TVP23B: variants seen among roughly 807,000 people sequenced by gnomAD.
The protein encoded by TVP23B is trans-golgi network vesicle protein 23 homolog B.
In TVP23B, 10 loss-of-function variants were observed where a neutral mutation model predicts 30.6. The ratio of observed to expected loss-of-function variants is 0.33; its 90% CI spans 0.20 to 0.55. The LOEUF (loss-of-function observed/expected upper bound fraction) is 0.55, where lower values mean the gene tolerates loss of function less well. Among genes scored for constraint, TVP23B ranks in the 20% least tolerant of loss-of-function variants. TVP23B has a pLI of 0.91. For synonymous variants in TVP23B, 67 were observed against 83.1 expected, an observed-to-expected ratio of 0.81 and a Z score of 1.06; for missense variants, 153 against 243.2, an observed-to-expected ratio of 0.63 and a Z score of 2.47.
chr17:18,782,023 A>C (rs2035815356), intron 1 of TVP23B: 1 of 151,270 alleles, frequency 6.6e-6, no homozygotes, highest in Non-Finnish European at 1.5e-5. Context: ...AGACACGATA[A>C]ATTGTATAAC....
At chr17:18,803,548 A>G (rs1340536449) in intron 5 of TVP23B, among the ~76,000 whole-genome samples, 1 of 152,216 alleles carries the variant, frequency 6.6e-6, no homozygotes, top group African/African-American at 2.4e-5. Context: ...AGGTGAGAAA[A>G]TGAAACTCAA....
intron 2 of TVP23B, among the ~76,000 whole-genome samples, chr17:18,790,507 G>C (rs1016987272): frequency 1.9e-4 from 28 of 151,292 alleles, no homozygotes; most frequent in Non-Finnish European, 1.2e-4. Context: ...CAAACTACCT[G>C]ATAACTTTGT....
At chr17:18,791,088 A>G (rs780532883) in intron 3 of TVP23B, 48 bp downstream of exon 3, 2 of 1,490,354 alleles carry the variant, frequency 1.3e-6, no homozygotes, top group Non-Finnish European at 1.8e-6. Flanking sequence ...TATGAAAATG[A>G]TGTATAAAAA....
intron 3 of TVP23B, chr17:18,797,195 A>G (rs1800321630): frequency 4.3e-6 from 1 of 232,540 alleles, no homozygotes; most frequent in Non-Finnish European, 8.6e-6. Flanking sequence ...CAGTGTCTAT[A>G]ATCATTTTCA....
At chr17:18,786,066 C>T (rs2035900944) in intron 1 of TVP23B, among the ~76,000 whole-genome samples, 1 of 152,186 alleles carries the variant, frequency 6.6e-6, no homozygotes, top group Non-Finnish European at 1.5e-5. Context: ...ATGCCATGAG[C>T]ACAGCCTCTT....
At chr17:18,795,720 T>TGA (rs2036067018) in intron 3 of TVP23B, 1 of 152,252 alleles carries the variant, frequency 6.6e-6, no homozygotes, top group South Asian at 2.1e-4. Flanking sequence ...CCCCATTATC[T>TGA]GAGGTTTCAC....
At chr17:18,784,538 G>A (rs1384777864) in intron 1 of TVP23B, among the ~76,000 whole-genome samples, 1 of 152,194 alleles carries the variant, frequency 6.6e-6, no homozygotes, top group African/African-American at 2.4e-5. Context: ...TCAGCTACTC[G>A]GGAGGCTGAG....
chr17:18,790,595 C>T (rs2035977321), intron 2 of TVP23B, among the ~76,000 whole-genome samples: 1 of 151,800 alleles, frequency 6.6e-6, no homozygotes, highest in Non-Finnish European at 1.5e-5. Context: ...TTCTAAGATA[C>T]AGTTTCCTTA....
intron 5 of TVP23B, among the ~76,000 whole-genome samples, chr17:18,801,448 T>C (rs576271956): frequency 6.6e-6 from 1 of 152,294 alleles, no homozygotes; most frequent in African/African-American, 2.4e-5. Flanking sequence ...TTGACCACCT[T>C]CTCCTGATGT....
chr17:18,790,010 G>A (rs1378570857), intron 2 of TVP23B, among the ~76,000 whole-genome samples: 1 of 152,230 alleles, frequency 6.6e-6, no homozygotes, highest in Non-Finnish European at 1.5e-5. Context: ...AATGGGGAAT[G>A]ACTGCCAGTG....
intron 2 of TVP23B, among the ~76,000 whole-genome samples, chr17:18,790,481 A>AAAAAAAAAG (rs1567633194): frequency 7.0e-5 from 2 of 28,468 alleles, no homozygotes; most frequent in African/African-American, 1.1e-4. Flanking sequence ...AAAAAAAAAG[A>AAAAAAAAAG]AAAGAAAGAA....
Position 18,806,309 on chromosome 17 carries a change from C to G in TVP23B, c.*742C>G, listed in dbSNP as rs2036249980. On this transcript the variant is annotated 3_prime_UTR_variant, in exon 7 of 7. Transcript: ENST00000307767. ...TTCAGTGGACCTTGAGCTAATAGAT[C>G]TTTTACCACTAAAAGAGCATTATTC... 1.0e-6 allele frequency: 1 copy of G among 952,740 alleles called. No individual in the cohort carries two copies. The highest frequency in any genetic ancestry group is 6.2e-5 in the Admixed American group (1 of 16,204). 59.0% of individuals were successfully genotyped at this position (952,740 alleles called of 1,614,324 possible).
chr17:18,790,463 C>CAAAAAA (rs1465361992), intron 2 of TVP23B, among the ~76,000 whole-genome samples: 3 of 24,546 alleles, frequency 1.2e-4, no homozygotes, highest in African/African-American at 3.3e-4. Flanking sequence ...GACTCCGTCT[C>CAAAAAA]AAAAAAAAAA....
At chr17:18,785,404 A>T (rs1250506471) in intron 1 of TVP23B, among the ~76,000 whole-genome samples, 32 of 46,096 alleles carry the variant, frequency 6.9e-4, no homozygotes, top group African/African-American at 1.9e-3. Context: ...TTTTTTTTTT[A>T]AATCTGTACC....
chr17:18,804,915 A>G (rs1439115731), intron 6 of TVP23B, among the ~76,000 whole-genome samples: 1 of 151,798 alleles, frequency 6.6e-6, no homozygotes, highest in East Asian at 1.9e-4. Context: ...TAGGGAGAAC[A>G]GTTGAATCAC....
At chr17:18,792,315 C>T (rs1229081473) in intron 3 of TVP23B, among the ~76,000 whole-genome samples, 3 of 152,118 alleles carry the variant, frequency 2.0e-5, no homozygotes, top group Non-Finnish European at 4.4e-5. Flanking sequence ...GGATTACAGG[C>T]GTGAGCCACT....
intron 1 of TVP23B, 116 bp downstream of exon 1, chr17:18,781,421 G>A (rs1267087389): frequency 2.1e-5 from 32 of 1,510,920 alleles, no homozygotes; most frequent in South Asian, 2.0e-4. Flanking sequence ...GGAGGAGCGG[G>A]GCGGCCGGGA....
chr17:18,798,716 A>G (rs1038846580), intron 4 of TVP23B, 96 bp from the exon 5 acceptor site: 2 of 1,501,436 alleles, frequency 1.3e-6, no homozygotes, highest in Admixed American at 2.1e-5. Flanking sequence ...GTGTATTAAT[A>G]TTTGAACTTG....
At chr17:18,781,359 A>C (rs939886564) in intron 1 of TVP23B, 54 bp downstream of exon 1, 2 of 1,557,054 alleles carry the variant, frequency 1.3e-6, no homozygotes, top group Non-Finnish European at 1.7e-6. Context: ...CTGGCTCTGC[A>C]GGTTCCGTGG....
Sources: allele counts gnomAD v4.1 joint callset (sites outside exome capture counted in the v4.1 genomes callset), GRCh38; gene constraint gnomAD v4.1.1; transcripts MANE v1.5; gene names NCBI Gene and HGNC (gene_info 2026-07-23, HGNC 2026-07-21).